The following SYCP1 variants were observed in gnomAD, a reference collection of about 807,000 sequenced individuals.
SYCP1 encodes the protein cancer/testis antigen 8.
In SYCP1, 64 loss-of-function variants were observed where a neutral mutation model predicts 153.1. The observed-to-expected ratio is 0.42, with a 90% confidence interval of 0.34 to 0.51. SYCP1 has a LOEUF of 0.51. Among genes scored for constraint, SYCP1 ranks in the 20% least tolerant of loss-of-function variants. The pLI is 0.06. For missense variants in SYCP1, 997 were observed against 1,049.0 expected, an observed-to-expected ratio of 0.95 and a Z score of 0.68; for synonymous variants, 384 against 341.8, an observed-to-expected ratio of 1.12 and a Z score of -1.36.
At chr1:114,959,090 G>C (rs981919989) in intron 27 of SYCP1, among the ~76,000 whole-genome samples, 2 of 151,996 alleles carry the variant, frequency 1.3e-5, no homozygotes, top group Non-Finnish European at 2.9e-5. Context: ...AGTGTATCTA[G>C]ATGCCCTTTA....
In SYCP1 at chr1:114,994,954, T is replaced by C; in HGVS notation, c.2866T>C (p.Trp956Arg). The C allele has an allele frequency of 6.2e-7, 1 of 1,608,882 alleles. No homozygotes were observed. Among genetic ancestry groups the C allele is most frequent in the Non-Finnish European group, 8.5e-7 (1 of 1,177,104 alleles). ...GAIRKMREDR[W>R]AVIAKMDRKK... ...TATAAGAAAAATGCGGGAGGACCGT[T>C]GGGCTGTAATTGCTAAAATGGATAG... The change falls in exon 32 of 32, where the codon TGG (tryptophan) becomes CGG (arginine). Residue 956 changes from tryptophan (W) to arginine (R), a missense_variant. Physicochemically the swap from Trp to Arg is moderately radical, Grantham distance 101. This residue lies in a region of SYCP1 where 712 missense variants were observed against 682.9 expected (regional missense o/e 1.04). Coordinates refer to ENST00000369522, the MANE Select transcript of SYCP1 (RefSeq NM_003176.4).
At chr1:114,855,342 C>A in intron 1 of SYCP1, 99 bp from the exon 2 acceptor site, 1 of 571,422 alleles carries the variant, frequency 1.8e-6, no homozygotes, top group Non-Finnish European at 2.9e-6. Context: ...TTTTTTTAGC[C>A]ATTTAGTTTG....
intron 16 of SYCP1, among the ~76,000 whole-genome samples, chr1:114,900,657 A>G (rs1570730926): frequency 6.6e-6 from 1 of 152,222 alleles, no homozygotes; most frequent in Non-Finnish European, 1.5e-5. Context: ...AGTAGTCTCA[A>G]TTACATGTCA....
intron 29 of SYCP1, among the ~76,000 whole-genome samples, chr1:114,982,744 G>C (rs1355855209): frequency 6.6e-6 from 1 of 151,656 alleles, no homozygotes; most frequent in African/African-American, 2.4e-5. Context: ...TCTGTTGTTT[G>C]TTCTTTTACT....
chr1:114,990,670 A>G (rs537238053), intron 30 of SYCP1, among the ~76,000 whole-genome samples: 2 of 152,098 alleles, frequency 1.3e-5, no homozygotes, highest in African/African-American at 4.8e-5. Context: ...ACAATACTAT[A>G]AATAATTGTA....
rs1672890311 is a variant in SYCP1 at position 114,977,682 on chromosome 1, A to G, written c.2382+66A>G. 2.9e-6 allele frequency: 3 copies of G among 1,052,140 alleles called. No homozygotes were observed. The South Asian group carries it at 5.4e-5, about 19-fold the overall frequency. 65.2% of individuals were successfully genotyped at this position (1,052,140 alleles called of 1,614,324 possible). A position where few individuals can be genotyped will look rare whatever the true frequency, so the allele number is the denominator to read the frequency against. On this transcript the variant is annotated intron_variant, in intron 28 of 31. Coordinates refer to ENST00000369522, the MANE Select transcript of SYCP1 (RefSeq NM_003176.4). Reference sequence around the variant, plus strand: ...ATTTTCTAACTTCTACTTAGAAATGATTTTTTGTTTATAAGTAGGAAAATA... The same window carrying G: ...ATTTTCTAACTTCTACTTAGAAATGGTTTTTTGTTTATAAGTAGGAAAATA...
chr1:114,950,515 T>G (rs1302272143), intron 27 of SYCP1, among the ~76,000 whole-genome samples: 4 of 152,118 alleles, frequency 2.6e-5, no homozygotes, highest in African/African-American at 9.6e-5. Context: ...TATCTCAGAG[T>G]TTACTGTTTT....
At chr1:114,862,194 C>G (rs1664426528) in intron 8 of SYCP1, among the ~76,000 whole-genome samples, 1 of 152,136 alleles carries the variant, frequency 6.6e-6, no homozygotes, top group Non-Finnish European at 1.5e-5. Flanking sequence ...AGCTCCTCTA[C>G]TATATCCTAT....
chr1:114,961,144 G>A (rs1425843103), intron 27 of SYCP1, among the ~76,000 whole-genome samples: 3 of 152,030 alleles, frequency 2.0e-5, no homozygotes, highest in Non-Finnish European at 2.9e-5. Flanking sequence ...GCATGTTAAG[G>A]TGTTCATAGT....
intron 29 of SYCP1, among the ~76,000 whole-genome samples, chr1:114,982,500 C>T (rs898466132): frequency 7.9e-5 from 12 of 151,198 alleles, no homozygotes; most frequent in African/African-American, 2.7e-4. Flanking sequence ...GCTATTGAGC[C>T]CTTCTAGTAA....
chr1:114,860,708 C>T, intron 7 of SYCP1, 28 bp from the exon 8 acceptor site: 1 of 1,531,834 alleles, frequency 6.5e-7, no homozygotes, highest in Admixed American at 2.0e-5. Context: ...TCAGATTACA[C>T]ACAGGCAAAC....
At chr1:114,959,989 G>A (rs921303683) in intron 27 of SYCP1, among the ~76,000 whole-genome samples, 1 of 152,088 alleles carries the variant, frequency 6.6e-6, no homozygotes, top group African/African-American at 2.4e-5. Flanking sequence ...CCAGTCATCA[G>A]GTGATGGACA....
chr1:114,971,233 G>A (rs957389275), intron 27 of SYCP1, among the ~76,000 whole-genome samples: 6 of 152,152 alleles, frequency 3.9e-5, no homozygotes, highest in Admixed American at 3.9e-4. Context: ...GTGGGGGCAG[G>A]GTTAGGCGTT....
intron 27 of SYCP1, among the ~76,000 whole-genome samples, chr1:114,973,584 A>G (rs1465445605): frequency 3.3e-5 from 5 of 152,028 alleles, no homozygotes; most frequent in Non-Finnish European, 7.4e-5. Context: ...GCACATTTGT[A>G]TATTGTGGCT....
rs1331224879 is a variant in SYCP1, at chr1:114,886,116, T to C, written c.1006-9T>C. On this transcript the variant is annotated splice_polypyrimidine_tract_variant and intron_variant, in intron 13 of 31. Transcript: ENST00000369522. ...TCATTGCTCTTGTTTTATACTTTAT[T>C]TCATTTAGAGTACTCAAAAGGCTTT... 4.5e-6 allele frequency: 7 copies of C among 1,559,172 alleles called. No homozygotes were observed. The highest frequency in any genetic ancestry group is 6.0e-6 in the Non-Finnish European group (7 of 1,157,284).
intron 16 of SYCP1, among the ~76,000 whole-genome samples, chr1:114,908,983 T>C (rs996754966): frequency 6.6e-6 from 1 of 152,218 alleles, no homozygotes; most frequent in African/African-American, 2.4e-5. Context: ...GTTTTTGTTT[T>C]ATCTATCAGT....
chr1:114,981,280 A>G, intron 28 of SYCP1, 56 bp from the exon 29 acceptor site: 1 of 1,329,326 alleles, frequency 7.5e-7, no homozygotes, highest in South Asian at 1.5e-5. Flanking sequence ...TTAAAGAAAT[A>G]AATAATTAAT....
intron 15 of SYCP1, among the ~76,000 whole-genome samples, chr1:114,894,352 A>G (rs1666921268): frequency 6.6e-6 from 1 of 152,188 alleles, no homozygotes; most frequent in East Asian, 1.9e-4. Context: ...CCATTAATCA[A>G]TAAGGACCCT....
At chr1:114,953,897 T>C (rs1057353719) in intron 27 of SYCP1, among the ~76,000 whole-genome samples, 3 of 152,236 alleles carry the variant, frequency 2.0e-5, no homozygotes, top group African/African-American at 7.2e-5. Flanking sequence ...CTTTACTTTG[T>C]TGAGTTTTCA....
Sources: gnomAD v4.1 joint callset for allele counts (sites outside exome capture counted in the v4.1 genomes callset) on GRCh38, gnomAD v4.1.1 for gene constraint, gnomAD v4.1.1 regional missense constraint, MANE v1.5 for transcripts, NCBI Gene and HGNC (gene_info 2026-07-23, HGNC 2026-07-21) for gene names.